Variants in DENND2B observed in about 807,000 individuals in gnomAD.
DENND2B encodes DENN domain-containing protein 2B.
A neutral mutation model predicts 116.0 loss-of-function variants in DENND2B; 32 were observed. The observed-to-expected ratio is 0.28, with a 90% confidence interval of 0.21 to 0.37. The LOEUF (loss-of-function observed/expected upper bound fraction) is 0.37. Among genes scored for constraint, DENND2B ranks in the 10% least tolerant of loss-of-function variants. DENND2B has a pLI of 1.00. For missense variants in DENND2B, 1,276 were observed against 1,477.7 expected, an observed-to-expected ratio of 0.86 and a Z score of 2.24; for synonymous variants, 588 against 583.9, an observed-to-expected ratio of 1.01 and a Z score of -0.10.
chr11:8,708,244 AAGCCATTGT>A, intron 11 of DENND2B: 1 of 985,484 alleles, frequency 1.0e-6, no homozygotes, highest in Non-Finnish European at 1.2e-6. Flanking sequence ...TCCTTAGGAC[AAGCCATTGT>A]AGCTTTTTAG....
chr11:8,741,093 C>A (rs542712937), intron 2 of DENND2B, among the ~76,000 whole-genome samples: 1 of 152,348 alleles, frequency 6.6e-6, no homozygotes, highest in African/African-American at 2.4e-5. Flanking sequence ...GAGCCCTCAA[C>A]AGGGTCCAGG....
chr11:8,876,960 A>C (rs1331540325), intron 2 of DENND2B, among the ~76,000 whole-genome samples: 5 of 140,262 alleles, frequency 3.6e-5, no homozygotes, highest in Non-Finnish European at 8.1e-5. Context: ...GCTGGATCTG[A>C]GAGTAAATGA....
chr11:8,797,696 C>A (rs533707618), intron 1 of DENND2B, among the ~76,000 whole-genome samples: 2 of 152,032 alleles, frequency 1.3e-5, no homozygotes, highest in Non-Finnish European at 2.9e-5. Flanking sequence ...GCGATCCTCC[C>A]GCTTCAGCCT....
chr11:8,747,769 G>A (rs2051540358), intron 2 of DENND2B, among the ~76,000 whole-genome samples: 1 of 152,148 alleles, frequency 6.6e-6, no homozygotes, highest in Admixed American at 6.6e-5. Flanking sequence ...ACAAAACTGA[G>A]GCAGTCACAT....
At chr11:8,697,854 C>A in intron 16 of DENND2B, 1 of 574,586 alleles carries the variant, frequency 1.7e-6, no homozygotes, top group South Asian at 1.9e-5. Flanking sequence ...GAGGGTCAGG[C>A]GCAGTGGCTC....
intron 1 of DENND2B, among the ~76,000 whole-genome samples, chr11:8,762,797 T>C (rs1000400934): frequency 1.3e-5 from 2 of 152,154 alleles, no homozygotes; most frequent in East Asian, 3.9e-4. Context: ...GAGGCAGAGG[T>C]TGCGGTGAGC....
intron 2 of DENND2B, among the ~76,000 whole-genome samples, chr11:8,743,561 T>G (rs552522181): frequency 1.3e-5 from 2 of 148,380 alleles, no homozygotes; most frequent in Non-Finnish European, 3.0e-5. Flanking sequence ...AAAAAAAAAA[T>G]TTTTTTTTTA....
intron 4 of DENND2B, among the ~76,000 whole-genome samples, chr11:8,833,827 C>T (rs1388974567): frequency 6.6e-6 from 1 of 152,166 alleles, no homozygotes; most frequent in East Asian, 1.9e-4. Context: ...TAGGATTTCA[C>T]CCATCCTTAC....
intron 1 of DENND2B, among the ~76,000 whole-genome samples, chr11:8,801,962 A>T (rs1307668189): frequency 7.4e-6 from 1 of 135,154 alleles, no homozygotes; most frequent in African/African-American, 2.8e-5. Flanking sequence ...ACTGCACTCT[A>T]GCCTGTGTGA....
intron 2 of DENND2B, among the ~76,000 whole-genome samples, chr11:8,736,790 G>C (rs971323457): frequency 6.6e-6 from 1 of 152,158 alleles, no homozygotes; most frequent in Non-Finnish European, 1.5e-5. Context: ...GAGCCTGAGA[G>C]ACACCAGAAG....
intron 13 of DENND2B, among the ~76,000 whole-genome samples, chr11:8,704,903 T>C (rs1169717531): frequency 6.6e-6 from 1 of 151,974 alleles, no homozygotes; most frequent in East Asian, 1.9e-4. Flanking sequence ...AGTTTCAACA[T>C]GTTGGCCAGG....
At chr11:8,734,024 G>C (rs555729291) in intron 2 of DENND2B, among the ~76,000 whole-genome samples, 15 of 152,286 alleles carry the variant, frequency 9.8e-5, no homozygotes, top group Admixed American at 1.3e-4. Context: ...CTGTACCACA[G>C]AGGAACCTGC....
intron 1 of DENND2B, among the ~76,000 whole-genome samples, chr11:8,766,086 G>A (rs937219718): frequency 1.3e-5 from 2 of 151,758 alleles, no homozygotes; most frequent in African/African-American, 4.8e-5. Flanking sequence ...TTGGGCTATG[G>A]ACACTGTAAA....
intron 1 of DENND2B, among the ~76,000 whole-genome samples, chr11:8,897,846 C>A (rs1394254546): frequency 1.3e-5 from 2 of 152,108 alleles, no homozygotes. Flanking sequence ...AGCACAGTGG[C>A]ACAATTACAG....
rs2043650361 is a variant in DENND2B, at chr11:8,711,381, C to T, written c.2173-150G>A. ...TGTCCCACTCCGAATTCTTACAGAG[C>T]CCAGAGTCATCATTCATTCATTCAA... is the stretch of plus-strand genomic sequence containing the variant. On this transcript the variant is annotated intron_variant, in intron 9 of 19. Transcript: ENST00000313726. 4.6e-6 allele frequency: 3 copies of T among 650,812 alleles called. No individual in the cohort carries two copies. In the South Asian group the frequency reaches 5.3e-5, roughly 12 times the overall value. 40.3% of individuals were successfully genotyped at this position (650,812 alleles called of 1,614,324 possible). A position where few individuals can be genotyped will look rare whatever the true frequency, so the allele number is the denominator to read the frequency against.
At chr11:8,863,349 C>CACACCATTCTCCTGCCTT (rs2063469796) in intron 2 of DENND2B, among the ~76,000 whole-genome samples, 1 of 133,378 alleles carries the variant, frequency 7.5e-6, no homozygotes, top group Non-Finnish European at 1.6e-5. Context: ...CTCCACCTCT[C>CACACCATTCTCCTGCCTT]AGCCTCCCCA....
At chr11:8,789,658 A>AC (rs549844740) in intron 1 of DENND2B, among the ~76,000 whole-genome samples, 444 of 152,288 alleles carry the variant, frequency 2.9e-3, no homozygotes, top group Non-Finnish European at 5.0e-3. Flanking sequence ...CCTGAACAAT[A>AC]CCCCAAAGAA....
intron 3 of DENND2B, among the ~76,000 whole-genome samples, chr11:8,846,511 G>C (rs999295746): frequency 6.6e-6 from 1 of 152,184 alleles, no homozygotes; most frequent in African/African-American, 2.4e-5. Flanking sequence ...GGGAGAAGAG[G>C]AGTGAGCCAA....
chr11:8,719,273 T>C, intron 4 of DENND2B: 1 of 970,932 alleles, frequency 1.0e-6, no homozygotes, highest in Non-Finnish European at 1.2e-6. Flanking sequence ...CTCCACATTG[T>C]GGCATCTACT....
Sources: gnomAD v4.1 joint callset for allele counts (sites outside exome capture counted in the v4.1 genomes callset) on GRCh38, gnomAD v4.1.1 for gene constraint, MANE v1.5 for transcripts, NCBI Gene and HGNC (gene_info 2026-07-23, HGNC 2026-07-21) for gene names.